MACROD2: variants seen among roughly 807,000 people sequenced by gnomAD.
MACROD2 encodes the protein mono-ADP ribosylhydrolase 2.
MACROD2 carries 36 observed loss-of-function variants against 70.4 expected under a neutral mutation model. The ratio of observed to expected loss-of-function variants is 0.51; its 90% CI spans 0.39 to 0.68. The LOEUF is 0.68. MACROD2 is among the 30% of genes least tolerant of loss of function. The probability of loss-of-function intolerance (pLI) is 0.00; values close to 1 mark genes in which losing one functional copy is unlikely to be tolerated. For missense variants in MACROD2, 496 were observed against 538.4 expected (o/e 0.92, Z 0.78); for synonymous variants, 172 against 178.8 (o/e 0.96, Z 0.30).
intron 4 of MACROD2, among the ~76,000 whole-genome samples, chr20:14,593,052 A>G (rs1160082848): frequency 2.0e-5 from 3 of 152,182 alleles, no homozygotes; most frequent in Non-Finnish European, 4.4e-5. Context: ...ATTTTTCTAT[A>G]AATCAGGTAA....
At chr20:14,226,973 G>A (rs1318576202) in intron 3 of MACROD2, among the ~76,000 whole-genome samples, 2 of 152,372 alleles carry the variant, frequency 1.3e-5, no homozygotes, top group East Asian at 3.9e-4. Flanking sequence ...GGGCTCCTGA[G>A]TCTGGTGAGG....
chr20:15,433,459 C>CAAAAAAAAAAAAAA (rs60298297), intron 7 of MACROD2, among the ~76,000 whole-genome samples: 9 of 88,282 alleles, frequency 1.0e-4, no homozygotes, highest in Non-Finnish European at 1.5e-4. Context: ...ACAAGAGCTG[C>CAAAAAAAAAAAAAA]AAAAAAAAAA....
chr20:15,791,259 T>C (rs940656326), intron 8 of MACROD2, among the ~76,000 whole-genome samples: 2 of 152,024 alleles, frequency 1.3e-5, no homozygotes. Context: ...TTCTTTGGAA[T>C]ATTTTAAATG....
intron 8 of MACROD2, among the ~76,000 whole-genome samples, chr20:15,611,443 C>A (rs1006810863): frequency 2.0e-5 from 3 of 152,182 alleles, no homozygotes; most frequent in Non-Finnish European, 4.4e-5. Context: ...ATTTTTTATA[C>A]CTATGGTTTT....
chr20:15,206,329 G>A (rs772985258), intron 5 of MACROD2, among the ~76,000 whole-genome samples: 20 of 152,072 alleles, frequency 1.3e-4, no homozygotes, highest in Non-Finnish European at 2.8e-4. Flanking sequence ...CATTACTTAT[G>A]TTCTACTTTG....
At chr20:14,258,080 G>T (rs1177165907) in intron 3 of MACROD2, among the ~76,000 whole-genome samples, 1 of 152,044 alleles carries the variant, frequency 6.6e-6, no homozygotes, top group African/African-American at 2.4e-5. Flanking sequence ...CCTTTTTATG[G>T]CTGAGTAGTA....
At chr20:14,560,737 G>A (rs570533952) in intron 4 of MACROD2, among the ~76,000 whole-genome samples, 1 of 151,786 alleles carries the variant, frequency 6.6e-6, no homozygotes, top group South Asian at 2.1e-4. Context: ...CACTACCTGT[G>A]GACAGTGTTA....
At chr20:15,508,874 A>C (rs1290035597) in intron 8 of MACROD2, among the ~76,000 whole-genome samples, 1 of 152,250 alleles carries the variant, frequency 6.6e-6, no homozygotes, top group Non-Finnish European at 1.5e-5. Context: ...AGTTGGCAAG[A>C]GTCACAGAAC....
chr20:14,938,306 G>T (rs1411525352), intron 5 of MACROD2, among the ~76,000 whole-genome samples: 3 of 151,976 alleles, frequency 2.0e-5, no homozygotes, highest in Non-Finnish European at 4.4e-5. Flanking sequence ...TTACATTTCT[G>T]CCAACAATGT....
At chr20:14,375,267 A>C (rs2083360988) in intron 3 of MACROD2, among the ~76,000 whole-genome samples, 1 of 152,188 alleles carries the variant, frequency 6.6e-6, no homozygotes, top group African/African-American at 2.4e-5. Context: ...TATTAATAAA[A>C]TATATTTAAG....
At chr20:14,073,517 C>T (rs6110156) in intron 2 of MACROD2, among the ~76,000 whole-genome samples, 47,660 of 151,866 alleles carry the variant, frequency 0.31, 7,804 homozygotes, top group African/African-American at 0.38. Context: ...CAAGATAATA[C>T]TCAGTTGTAT....
chr20:14,309,078 C>T (rs532760934), intron 3 of MACROD2, among the ~76,000 whole-genome samples: 2 of 152,216 alleles, frequency 1.3e-5, no homozygotes, highest in East Asian at 1.9e-4. Context: ...ATTATCATCA[C>T]TTAGCCTTGC....
At chr20:14,493,400 T>C (rs974407616) in intron 3 of MACROD2, 79 bp from the exon 4 acceptor site, 13 of 1,241,634 alleles carry the variant, frequency 1.0e-5, no homozygotes, top group Admixed American at 1.7e-5. Context: ...CATTATTAGC[T>C]TTATCTTGAA....
intron 4 of MACROD2, among the ~76,000 whole-genome samples, chr20:14,624,770 G>A (rs1420078373): frequency 2.0e-5 from 3 of 152,166 alleles, no homozygotes; most frequent in African/African-American, 4.8e-5. Context: ...CAAGGTGGGG[G>A]ATGTTATCCT....
chr20:15,467,737 G>A (rs1335201966), intron 7 of MACROD2, among the ~76,000 whole-genome samples: 1 of 151,798 alleles, frequency 6.6e-6, no homozygotes, highest in African/African-American at 2.4e-5. Flanking sequence ...GTAAAAAAAT[G>A]TGAAAAGTAG....
Position 15,565,333 on chromosome 20 carries a change from T to G in MACROD2, c.645+65486T>G, listed in dbSNP as rs79106850. Among the ~76,000 whole-genome samples, 613 of 152,330 alleles carry G rather than the reference T, an allele frequency of 4.0e-3. 7 individuals are homozygous for G. Among genetic ancestry groups the G allele is most frequent in the African/African-American group, 0.014 (578 of 41,586 alleles). ...GTTGCTTTTAGGTTGAATATGCACA[T>G]TTATTTATAAACATGGCTGTAACCA... is the stretch of plus-strand genomic sequence containing the variant. On this transcript the variant is annotated intron_variant, in intron 8 of 17. Transcript: ENST00000684519.
chr20:15,141,576 A>G (rs1411402614), intron 5 of MACROD2, among the ~76,000 whole-genome samples: 1 of 152,144 alleles, frequency 6.6e-6, no homozygotes, highest in African/African-American at 2.4e-5. Flanking sequence ...CTCAGAAAGT[A>G]CACCTGCTCT....
intron 5 of MACROD2, among the ~76,000 whole-genome samples, chr20:15,163,213 T>C (rs1371550677): frequency 6.6e-6 from 1 of 151,902 alleles, no homozygotes; most frequent in African/African-American, 2.4e-5. Context: ...AAAAGACATA[T>C]AGTTTAGCTA....
intron 3 of MACROD2, among the ~76,000 whole-genome samples, chr20:14,371,621 A>G (rs2083324273): frequency 6.6e-6 from 1 of 152,198 alleles, no homozygotes; most frequent in Admixed American, 6.5e-5. Flanking sequence ...ACCTCAATTT[A>G]CATACTTGAA....
Sources: allele counts gnomAD v4.1 joint callset (sites outside exome capture counted in the v4.1 genomes callset), GRCh38; gene constraint gnomAD v4.1.1; transcripts MANE v1.5; gene names NCBI Gene and HGNC (gene_info 2026-07-23, HGNC 2026-07-21).